Variants in FANCL observed in about 807,000 individuals in gnomAD.
FANCL encodes E3 ubiquitin-protein ligase FANCL.
In FANCL, 69 loss-of-function variants were observed where a neutral mutation model predicts 59.4. The observed-to-expected ratio is 1.16, with a 90% CI of 0.96 to 1.42. The LOEUF is 1.42. Ranked by LOEUF, FANCL falls within the 40% of genes most tolerant of loss-of-function variation. The probability of loss-of-function intolerance (pLI) is 0.00; values close to 1 mark genes in which losing one functional copy is unlikely to be tolerated. For missense variants in FANCL, 519 were observed against 447.2 expected (o/e 1.16, Z -1.45); for synonymous variants, 180 against 147.1 (o/e 1.22, Z -1.62).
intron 4 of FANCL, among the ~76,000 whole-genome samples, chr2:58,224,502 C>T (rs1460573724): frequency 1.3e-5 from 2 of 151,798 alleles, no homozygotes; most frequent in Non-Finnish European, 3.0e-5. Context: ...ATTCTAATCT[C>T]ACACATTTAA....
chr2:58,179,868 TAAATTTAC>T (rs1194906571), intron 7 of FANCL, among the ~76,000 whole-genome samples: 1 of 151,334 alleles, frequency 6.6e-6, no homozygotes, highest in Admixed American at 6.6e-5. Flanking sequence ...ACAAGGAACT[TAAATTTAC>T]AAGAAAAAAA....
In FANCL at chr2:58,230,135, CAA is replaced by C. The variant is rs77408131; in HGVS notation, c.156-263_156-262del. On this transcript the variant is annotated intron_variant, in intron 2 of 13. Coordinates refer to ENST00000233741, the MANE Select transcript of FANCL (RefSeq NM_018062.4). ...TTTTTTAACTTTAACACATCCGAAG[CAA>C]AGTTTTCCACTGAAGTAGATTCTTT... Among the ~76,000 whole-genome samples the C allele has an allele frequency of 0.026, 3,970 of 152,182 alleles. 78 individuals are homozygous for C. The highest frequency in any genetic ancestry group is 0.093 in the East Asian group (483 of 5,176).
intron 7 of FANCL, among the ~76,000 whole-genome samples, chr2:58,197,942 T>C (rs1402426327): frequency 2.0e-5 from 3 of 152,170 alleles, no homozygotes; most frequent in Non-Finnish European, 4.4e-5. Context: ...CAGAGTTCTT[T>C]GGAATTTAAA....
At chr2:58,169,400 G>A (rs573408957) in intron 7 of FANCL, among the ~76,000 whole-genome samples, 40 of 152,194 alleles carry the variant, frequency 2.6e-4, no homozygotes, top group African/African-American at 8.2e-4. Flanking sequence ...CCATATGAAA[G>A]TCAACAATAT....
At chr2:58,178,425 A>C (rs1260481560) in intron 7 of FANCL, among the ~76,000 whole-genome samples, 2 of 152,210 alleles carry the variant, frequency 1.3e-5, no homozygotes, top group African/African-American at 4.8e-5. Flanking sequence ...GGCTGGTTCA[A>C]CATAAGCAAA....
intron 1 of FANCL, among the ~76,000 whole-genome samples, chr2:58,232,650 C>T (rs1693689601): frequency 6.6e-6 from 1 of 151,876 alleles, no homozygotes; most frequent in Non-Finnish European, 1.5e-5. Flanking sequence ...TTAATTCTCC[C>T]ATTAGTGGGC....
intron 5 of FANCL, among the ~76,000 whole-genome samples, chr2:58,219,155 AAAAAAAAAAAAAAAAAATATATATATAT>A (rs1692163032): frequency 1.2e-5 from 1 of 85,774 alleles, no homozygotes; most frequent in African/African-American, 6.8e-5. Flanking sequence ...AAAAAAAAAA[AAAAAAAAAAAAAAAAAATATATATATAT>A]ATATATATAT....
Position 58,159,808 on chromosome 2 carries a change from A to G in FANCL, c.1093-8T>C. 1.2e-6 allele frequency: 2 copies of G among 1,612,578 alleles called. No homozygotes were observed. Among genetic ancestry groups the G allele is most frequent in the Non-Finnish European group, 1.7e-6 (2 of 1,179,404 alleles). On this transcript the variant is annotated splice_polypyrimidine_tract_variant and splice_region_variant and intron_variant, in intron 13 of 13. Coordinates refer to ENST00000233741, the MANE Select transcript of FANCL (RefSeq NM_018062.4). Reference sequence around the variant, plus strand: ...CATTTTTAAGGTAATTGGCTTTAAAAAGAGAACATATTTTAACAAAGTTTG... The same window carrying G: ...CATTTTTAAGGTAATTGGCTTTAAAGAGAGAACATATTTTAACAAAGTTTG...
chr2:58,224,404 T>C (rs974118736), intron 4 of FANCL, among the ~76,000 whole-genome samples: 6 of 152,008 alleles, frequency 3.9e-5, no homozygotes, highest in East Asian at 1.9e-4. Context: ...TTGATGTAAT[T>C]TGTAATCAAG....
At chr2:58,178,664 ACC>A (rs1687614350) in intron 7 of FANCL, among the ~76,000 whole-genome samples, 2 of 152,204 alleles carry the variant, frequency 1.3e-5, no homozygotes, top group Non-Finnish European at 2.9e-5. Flanking sequence ...CCCTTTGCAA[ACC>A]AGCACAAGAC....
intron 5 of FANCL, among the ~76,000 whole-genome samples, chr2:58,218,031 C>T (rs1692022814): frequency 6.6e-6 from 1 of 151,906 alleles, no homozygotes; most frequent in African/African-American, 2.4e-5. Context: ...TAAACTGGAA[C>T]TCAATAACCC....
At chr2:58,240,180 T>A (rs1694389080) in intron 1 of FANCL, among the ~76,000 whole-genome samples, 1 of 152,040 alleles carries the variant, frequency 6.6e-6, no homozygotes, top group African/African-American at 2.4e-5. Context: ...GAGAATCATA[T>A]TTTCAGCTAG....
chr2:58,174,650 G>A (rs1687085318), intron 7 of FANCL, among the ~76,000 whole-genome samples: 1 of 151,872 alleles, frequency 6.6e-6, no homozygotes, highest in South Asian at 2.1e-4. Context: ...TGTGTAGAGG[G>A]AAATTTATAG....
chr2:58,223,623 A>G (rs570994029), intron 4 of FANCL, among the ~76,000 whole-genome samples: 1 of 152,148 alleles, frequency 6.6e-6, no homozygotes, highest in South Asian at 2.1e-4. Flanking sequence ...GCAAAGGTAC[A>G]TAGCGGAAAG....
At chr2:58,215,840 T>G (rs1489617125) in intron 5 of FANCL, among the ~76,000 whole-genome samples, 1 of 151,684 alleles carries the variant, frequency 6.6e-6, no homozygotes, top group African/African-American at 2.4e-5. Flanking sequence ...CCCTCAAAAC[T>G]TCTGATAAAT....
At chr2:58,161,786 AT>A in intron 11 of FANCL, 148 bp from the exon 12 acceptor site, 1 of 640,404 alleles carries the variant, frequency 1.6e-6, no homozygotes, top group South Asian at 1.8e-5. Flanking sequence ...TCACCTCAAC[AT>A]TTACCTTTTA....
chr2:58,167,746 T>C (rs986803088), intron 7 of FANCL, among the ~76,000 whole-genome samples: 1 of 152,128 alleles, frequency 6.6e-6, no homozygotes, highest in African/African-American at 2.4e-5. Flanking sequence ...AGCTAGCCAT[T>C]TGAGGTAGAT....
chr2:58,170,226 A>C (rs1003885133), intron 7 of FANCL, among the ~76,000 whole-genome samples: 1 of 152,230 alleles, frequency 6.6e-6, no homozygotes, highest in Non-Finnish European at 1.5e-5. Flanking sequence ...AGTGGGGGCC[A>C]ATATTTAATA....
At chr2:58,165,493 G>C (rs1257493353) in intron 8 of FANCL, among the ~76,000 whole-genome samples, 1 of 152,024 alleles carries the variant, frequency 6.6e-6, no homozygotes, top group Admixed American at 6.6e-5. Flanking sequence ...CTCTACTTCT[G>C]AATGTTACCT....
Sources: allele counts gnomAD v4.1 joint callset (sites outside exome capture counted in the v4.1 genomes callset), GRCh38; gene constraint gnomAD v4.1.1; transcripts MANE v1.5; gene names NCBI Gene and HGNC (gene_info 2026-07-23, HGNC 2026-07-21).